Variants in CADPS observed in about 807,000 individuals in gnomAD.
The protein encoded by CADPS is calcium dependent secretion activator.
In CADPS, 57 loss-of-function variants were observed where a neutral mutation model predicts 167.3. The observed-to-expected ratio is 0.34, with a 90% CI of 0.28 to 0.42. The LOEUF (loss-of-function observed/expected upper bound fraction) is 0.42. Among genes scored for constraint, CADPS ranks in the 20% least tolerant of loss-of-function variants. The pLI, the probability that CADPS is intolerant of heterozygous loss-of-function variation, is 1.00. For missense variants in CADPS, 1,414 were observed against 1,738.1 expected (o/e 0.81, Z 3.32); for synonymous variants, 676 against 635.3 (o/e 1.06, Z -0.96).
At chr3:62,819,474 C>T (rs2094796324) in intron 1 of CADPS, among the ~76,000 whole-genome samples, 1 of 150,430 alleles carries the variant, frequency 6.6e-6, no homozygotes, top group Non-Finnish European at 1.5e-5. Flanking sequence ...TTCAGCAGGT[C>T]TATGATGTCC....
chr3:62,446,391 T>C lies in CADPS; in HGVS notation c.3637-594A>G, dbSNP rs545614430. Among the ~76,000 whole-genome samples the C allele has an allele frequency of 6.6e-6, 1 of 152,308 alleles. No homozygotes were observed. Among genetic ancestry groups the C allele is most frequent in the East Asian group, 1.9e-4 (1 of 5,170 alleles). ...AGATGGGAAGTGCAGGAAGTGGTTA[T>C]AAAATTTTTAGTTTTGTGGGGAGGG... On this transcript the variant is annotated intron_variant, in intron 26 of 29. Transcript: ENST00000383710. The surrounding 1 kb of genome is among the most constrained non-coding windows in gnomAD (Gnocchi z 4.9).
rs764902930 is a variant in CADPS, at chr3:62,403,147, C to T, written c.3816G>A (p.Trp1272Ter). The T allele has an allele frequency of 6.2e-7, 1 of 1,613,626 alleles. No individual in the cohort carries two copies. The highest frequency in any genetic ancestry group is 8.5e-7 in the Non-Finnish European group (1 of 1,179,666). Residue 1272 changes from tryptophan to a stop codon, truncating the protein, a stop_gained, in exon 29 of 30, where the codon TGG (tryptophan) becomes TGA (stop). Transcript: ENST00000383710. LOFTEE classifies it high-confidence loss of function. ...YNSSMNVICTWLTDRMDLQLH... is the reference protein window; with the variant it reads ...YNSSMNVICT ...GCTGTAAGTCCATCCGGTCCGTCAACCAGGTGCAGATCACGTTCATGGAGC... is the reference window on the plus strand; with the variant it reads ...GCTGTAAGTCCATCCGGTCCGTCAATCAGGTGCAGATCACGTTCATGGAGC...
In CADPS at chr3:62,601,815, C is replaced by T. The variant is rs565151126; in HGVS notation, c.1326-9067G>A. Reference sequence around the variant, plus strand: ...GCACATTATTTCTCCAAACCTGTTCCACAGTACCACCACTTTGAAAGTGAA... The same window carrying T: ...GCACATTATTTCTCCAAACCTGTTCTACAGTACCACCACTTTGAAAGTGAA... On this transcript the variant is annotated intron_variant, in intron 6 of 29. Coordinates refer to ENST00000383710, the MANE Select transcript of CADPS (RefSeq NM_003716.4). The surrounding 1 kb of genome is among the most constrained non-coding windows in gnomAD (Gnocchi z 4.3). Among the ~76,000 whole-genome samples the T allele has an allele frequency of 6.6e-6, 1 of 152,214 alleles. No homozygotes were observed. The highest frequency in any genetic ancestry group is 1.9e-4 in the East Asian group (1 of 5,174).
At chr3:62,862,197 T>G (rs147197836) in intron 1 of CADPS, among the ~76,000 whole-genome samples, 1 of 151,694 alleles carries the variant, frequency 6.6e-6, no homozygotes, top group Non-Finnish European at 1.5e-5. Context: ...ATAAAAATAT[T>G]GATAGCATTG....
intron 3 of CADPS, among the ~76,000 whole-genome samples, chr3:62,687,815 C>T (rs1563855344): frequency 7.0e-6 from 1 of 143,564 alleles, no homozygotes; most frequent in Non-Finnish European, 1.5e-5. Context: ...TTTTCTACAA[C>T]TAATAAAGAA....
intron 1 of CADPS, among the ~76,000 whole-genome samples, chr3:62,815,646 G>GT (rs1468009232): frequency 6.6e-6 from 1 of 152,148 alleles, no homozygotes; most frequent in Non-Finnish European, 1.5e-5. Context: ...ATGTGTTTCT[G>GT]TTAAAAATTG....
At chr3:62,417,660 G>C (rs1347653799) in intron 28 of CADPS, among the ~76,000 whole-genome samples, 1 of 151,756 alleles carries the variant, frequency 6.6e-6, no homozygotes, top group Non-Finnish European at 1.5e-5. Context: ...AATCTGATTT[G>C]GAAAAAAGTT....
intron 11 of CADPS, among the ~76,000 whole-genome samples, chr3:62,537,351 A>C (rs1197030874): frequency 6.6e-6 from 1 of 152,198 alleles, no homozygotes; most frequent in Non-Finnish European, 1.5e-5. Context: ...GGCTGTAGGC[A>C]AAACCTCCTA....
At chr3:62,856,656 T>C (rs1473954709) in intron 1 of CADPS, among the ~76,000 whole-genome samples, 1 of 151,948 alleles carries the variant, frequency 6.6e-6, no homozygotes, top group Non-Finnish European at 1.5e-5. Flanking sequence ...TCAATGGCTT[T>C]CTACCAGGAG....
intron 6 of CADPS, among the ~76,000 whole-genome samples, chr3:62,638,430 C>T (rs952241727): frequency 1.3e-5 from 2 of 152,090 alleles, no homozygotes; most frequent in African/African-American, 4.8e-5. Context: ...TTGATTTCTA[C>T]TGAACAGTGA....
At chr3:62,642,001 A>C (rs1179309604) in intron 6 of CADPS, among the ~76,000 whole-genome samples, 3 of 152,166 alleles carry the variant, frequency 2.0e-5, no homozygotes, top group Non-Finnish European at 4.4e-5. Flanking sequence ...GGCACTGATA[A>C]AAGGAGGTGA....
chr3:62,725,155 T>A (rs977290735), intron 3 of CADPS, among the ~76,000 whole-genome samples: 8 of 147,438 alleles, frequency 5.4e-5, no homozygotes, highest in African/African-American at 1.5e-4. Flanking sequence ...CTTGCTTCCT[T>A]TATCAAAAAT....
chr3:62,827,675 G>A (rs1475556860), intron 1 of CADPS, among the ~76,000 whole-genome samples: 1 of 152,124 alleles, frequency 6.6e-6, no homozygotes, highest in Non-Finnish European at 1.5e-5. Flanking sequence ...CACATACACT[G>A]AGGGGTTTCC....
chr3:62,526,701 T>A (rs1453588237), intron 13 of CADPS, among the ~76,000 whole-genome samples: 1 of 152,230 alleles, frequency 6.6e-6, no homozygotes, highest in Non-Finnish European at 1.5e-5. Flanking sequence ...CTGAGCATAC[T>A]CACATTTTCC....
intron 9 of CADPS, among the ~76,000 whole-genome samples, chr3:62,559,110 G>A (rs1046758119): frequency 2.0e-5 from 3 of 152,102 alleles, no homozygotes; most frequent in Non-Finnish European, 4.4e-5. Context: ...CCCATAGAGC[G>A]AACACTTCAT....
intron 13 of CADPS, among the ~76,000 whole-genome samples, chr3:62,519,793 T>A (rs937414310): frequency 3.4e-5 from 4 of 118,436 alleles, no homozygotes; most frequent in East Asian, 4.1e-4. Context: ...CAAAAACAAA[T>A]TTTTTTTTTT....
At chr3:62,858,868 A>T (rs1409006917) in intron 1 of CADPS, among the ~76,000 whole-genome samples, 1 of 152,182 alleles carries the variant, frequency 6.6e-6, no homozygotes, top group Non-Finnish European at 1.5e-5. Flanking sequence ...TAAAAAAATT[A>T]CTGTATTCTA....
intron 28 of CADPS, among the ~76,000 whole-genome samples, chr3:62,406,723 C>T (rs1381147733): frequency 6.6e-6 from 1 of 152,132 alleles, no homozygotes; most frequent in Non-Finnish European, 1.5e-5. Flanking sequence ...TTAAAATATG[C>T]CCTCTGGGGA....
intron 1 of CADPS, among the ~76,000 whole-genome samples, chr3:62,817,825 A>C (rs2094698286): frequency 6.6e-6 from 1 of 152,190 alleles, no homozygotes; most frequent in African/African-American, 2.4e-5. Flanking sequence ...AGTAGTTTCC[A>C]AATCAATTTT....
Sources: allele counts gnomAD v4.1 joint callset (sites outside exome capture counted in the v4.1 genomes callset), GRCh38; gene constraint gnomAD v4.1.1; non-coding constraint Gnocchi (gnomAD v3.1); transcripts MANE v1.5; gene names NCBI Gene and HGNC (gene_info 2026-07-23, HGNC 2026-07-21).